Variants in LTBP1 observed in about 807,000 individuals in gnomAD.
The protein encoded by LTBP1 is latent transforming growth factor beta binding protein 1.
In LTBP1, 129 loss-of-function variants were observed where a neutral mutation model predicts 207.6. The ratio of observed to expected loss-of-function variants is 0.62; its 90% confidence interval spans 0.54 to 0.72. The LOEUF is 0.72. Ranked by LOEUF, LTBP1 falls within the 30% of genes least tolerant of loss-of-function variation. The pLI is 0.00. For missense variants in LTBP1, 2,281 were observed against 2,217.2 expected, an observed-to-expected ratio of 1.03 and a Z score of -0.58; for synonymous variants, 963 against 833.7, an observed-to-expected ratio of 1.16 and a Z score of -2.67.
intron 2 of LTBP1, among the ~76,000 whole-genome samples, chr2:32,985,208 G>A (rs57539430): frequency 6.6e-6 from 1 of 152,146 alleles, no homozygotes; most frequent in East Asian, 1.9e-4. Flanking sequence ...TGTCCCATTA[G>A]ATCTTTATCA....
At chr2:33,168,632 T>C (rs1395638684) in intron 5 of LTBP1, among the ~76,000 whole-genome samples, 4 of 152,060 alleles carry the variant, frequency 2.6e-5, no homozygotes, top group African/African-American at 4.8e-5. Flanking sequence ...TGTTTTTGTG[T>C]TACATGGAGA....
In LTBP1 at chr2:33,289,755, C is replaced by G. The variant is rs182484742; in HGVS notation, c.3113-3405C>G. On this transcript the variant is annotated intron_variant, in intron 19 of 33. Transcript: ENST00000404816. ...CTGTTGAACTCATTATGTATATGCA[C>G]TGGAAGAATTTGGGTAATATGAACA... Among the ~76,000 whole-genome samples the G allele has an allele frequency of 8.7e-4, 132 of 152,264 alleles. 1 individual carries two copies. In the Middle Eastern group the frequency reaches 0.024, roughly 27 times the overall value.
chr2:33,311,224 A>G (rs2094182535), intron 23 of LTBP1, among the ~76,000 whole-genome samples: 2 of 152,168 alleles, frequency 1.3e-5, no homozygotes, highest in South Asian at 4.1e-4. Flanking sequence ...GTTTTTAAAA[A>G]TTAATTCCTT....
intron 5 of LTBP1, among the ~76,000 whole-genome samples, chr2:33,141,951 A>G (rs1198962122): frequency 6.6e-6 from 1 of 152,224 alleles, no homozygotes; most frequent in African/African-American, 2.4e-5. Context: ...GGTGAAAAAA[A>G]GGATACAGTC....
chr2:33,187,644 G>A (rs151285319), intron 6 of LTBP1, among the ~76,000 whole-genome samples: 135 of 152,328 alleles, frequency 8.9e-4, no homozygotes, highest in African/African-American at 3.0e-3. Context: ...GGGAATCATA[G>A]AAGTTTACTG....
rs536014166 is a variant in LTBP1, at chr2:32,999,583, C to T, written c.566-21326C>T. 1.7e-4 allele frequency among the ~76,000 whole-genome samples: 23 copies of T among 134,600 alleles called. 6 individuals are homozygous for T. The Admixed American group carries it at 1.8e-3, about 10-fold the overall frequency. The allele number at this position is 134,600 out of a possible 152,430, so 88.3% of individuals were successfully genotyped here. On this transcript the variant is annotated intron_variant, in intron 2 of 33. Transcript: ENST00000404816. Reference sequence around the variant, plus strand: ...AGGCTCCAGGAGGGAAGGCTCAAGTCTCCCTGCCTCAAAAAGATCCAGAGG... The same window carrying T: ...AGGCTCCAGGAGGGAAGGCTCAAGTTTCCCTGCCTCAAAAAGATCCAGAGG...
At chr2:33,280,240 G>A (rs2093532683) in intron 19 of LTBP1, 82 bp downstream of exon 19, 5 of 1,324,500 alleles carry the variant, frequency 3.8e-6, no homozygotes, top group Non-Finnish European at 5.0e-6. Flanking sequence ...TGCCAATGGA[G>A]CCCTCTTTCA....
At chr2:33,338,379 A>C (rs1429951015) in intron 24 of LTBP1, among the ~76,000 whole-genome samples, 1 of 152,226 alleles carries the variant, frequency 6.6e-6, no homozygotes, top group Non-Finnish European at 1.5e-5. Flanking sequence ...GCATAGAATT[A>C]ATAAAAAGGA....
intron 5 of LTBP1, among the ~76,000 whole-genome samples, chr2:33,173,296 G>A (rs1344375780): frequency 1.3e-5 from 2 of 151,370 alleles, no homozygotes; most frequent in African/African-American, 4.8e-5. Context: ...GAATCAAATA[G>A]ACGCAATAAA....
At chr2:33,337,962 G>A (rs781413524) in intron 24 of LTBP1, among the ~76,000 whole-genome samples, 1 of 152,044 alleles carries the variant, frequency 6.6e-6, no homozygotes, top group Non-Finnish European at 1.5e-5. Flanking sequence ...GTATATACGG[G>A]ACTAACAATG....
At chr2:33,112,377 T>C (rs2150282513) in intron 4 of LTBP1, among the ~76,000 whole-genome samples, 1 of 152,370 alleles carries the variant, frequency 6.6e-6, no homozygotes, top group East Asian at 1.9e-4. Flanking sequence ...CTTAGAAGAA[T>C]GTGAAGATAA....
intron 3 of LTBP1, among the ~76,000 whole-genome samples, chr2:33,051,345 A>T (rs116287259): frequency 0.016 from 2,461 of 152,134 alleles, 71 homozygotes; most frequent in African/African-American, 0.056. Context: ...TGAGTCCAGG[A>T]GTTTGAGGCT....
chr2:33,010,087 G>A (rs1396600895), intron 2 of LTBP1, among the ~76,000 whole-genome samples: 5 of 152,160 alleles, frequency 3.3e-5, no homozygotes, highest in South Asian at 2.1e-4. Flanking sequence ...CTGGCAGGGC[G>A]TGGTGGCTCA....
intron 26 of LTBP1, among the ~76,000 whole-genome samples, chr2:33,348,035 G>A (rs1228367913): frequency 6.6e-6 from 1 of 152,196 alleles, no homozygotes; most frequent in Non-Finnish European, 1.5e-5. Flanking sequence ...GATTTAGGCT[G>A]TGTCGTCACT....
chr2:33,381,417 TTGGGAG>T (rs1372176082), intron 31 of LTBP1, among the ~76,000 whole-genome samples: 2 of 152,098 alleles, frequency 1.3e-5, no homozygotes, highest in Non-Finnish European at 1.5e-5. Context: ...TAGGTGAAGG[TTGGGAG>T]TGGGGAGAAC....
Position 33,001,741 on chromosome 2 carries a change from C to T in LTBP1, c.566-19168C>T. ...CGTGCTGCTCATCGTATAGGCCCTG[C>T]CAGAATGGTTGGCAATGACAAGGAT... On this transcript the variant is annotated intron_variant, in intron 2 of 33. Transcript: ENST00000404816. Among the ~76,000 whole-genome samples the T allele has an allele frequency of 1.5e-5, 2 of 134,724 alleles. 1 individual carries two copies. The highest frequency in any genetic ancestry group is 7.6e-4 in the East Asian group (2 of 2,644). 88.4% of individuals were successfully genotyped at this position (134,724 alleles called of 152,430 possible).
intron 7 of LTBP1, among the ~76,000 whole-genome samples, chr2:33,201,993 A>C (rs1166722829): frequency 6.8e-6 from 1 of 146,460 alleles, no homozygotes; most frequent in Admixed American, 7.0e-5. Flanking sequence ...ATGTTCAGTA[A>C]CATCCTAAGC....
At chr2:33,266,890 C>T (rs188618151) in intron 15 of LTBP1, among the ~76,000 whole-genome samples, 85 of 152,252 alleles carry the variant, frequency 5.6e-4, no homozygotes, top group African/African-American at 1.9e-3. Context: ...ATGACACAAA[C>T]GGGGCTGAAA....
chr2:33,356,843 T>A (rs2094868266), intron 26 of LTBP1, among the ~76,000 whole-genome samples: 1 of 152,230 alleles, frequency 6.6e-6, no homozygotes, highest in South Asian at 2.1e-4. Context: ...GTAATTCTGC[T>A]GAAAGTAATT....
Sources: gnomAD v4.1 joint callset for allele counts (sites outside exome capture counted in the v4.1 genomes callset) on GRCh38, gnomAD v4.1.1 for gene constraint, MANE v1.5 for transcripts, NCBI Gene and HGNC (gene_info 2026-07-23, HGNC 2026-07-21) for gene names.